Variants in CNOT6 observed in about 807,000 individuals in gnomAD.
CNOT6 encodes the protein CCR4-NOT transcription complex subunit 6.
CNOT6 carries 12 observed loss-of-function variants against 61.2 expected under a neutral mutation model. The ratio of observed to expected loss-of-function variants is 0.20; its 90% confidence interval spans 0.13 to 0.32. CNOT6 has a LOEUF of 0.32. Ranked by LOEUF, CNOT6 falls within the 10% of genes least tolerant of loss-of-function variation. The pLI is 1.00. For synonymous variants in CNOT6, 225 were observed against 240.6 expected, an observed-to-expected ratio of 0.94 and a Z score of 0.60; for missense variants, 405 against 663.9, an observed-to-expected ratio of 0.61 and a Z score of 4.28.
chr5:180,505,566 G>C (rs866727375), intron 1 of CNOT6, among the ~76,000 whole-genome samples: 1 of 36,678 alleles, frequency 2.7e-5, no homozygotes, highest in Non-Finnish European at 6.0e-5. Context: ...TTTTTTTTTT[G>C]AGACGGAGTC....
intron 1 of CNOT6, among the ~76,000 whole-genome samples, chr5:180,500,436 CT>C (rs146396285): frequency 0.4 from 24,651 of 62,072 alleles, 2,162 homozygotes; most frequent in South Asian, 0.48. Context: ...TTTTTCTTTT[CT>C]TTTCTTTTTT....
At chr5:180,534,250 G>A (rs1758555616) in intron 2 of CNOT6, 1 of 159,460 alleles carries the variant, frequency 6.3e-6, no homozygotes, top group Non-Finnish European at 1.4e-5. Context: ...GCTACCGAAA[G>A]GGGAAGGTTG....
At position 180,553,483 on chromosome 5, in the gene CNOT6, A is replaced by G; in HGVS notation, c.385+12A>G. Reference sequence around the variant, plus strand: ...TTTAGGCCTGAAAGGTATGACTTCCATATTTGTACTTCTTATGGTTTGTGT... The same window carrying G: ...TTTAGGCCTGAAAGGTATGACTTCCGTATTTGTACTTCTTATGGTTTGTGT... On this transcript the variant is annotated intron_variant, in intron 4 of 11. Transcript: ENST00000261951. The G allele has an allele frequency of 6.3e-7, 1 of 1,591,348 alleles. No individual in the cohort carries two copies. The highest frequency in any genetic ancestry group is 8.6e-7 in the Non-Finnish European group (1 of 1,159,978).
At chr5:180,558,794 C>T (rs1760030189) in intron 4 of CNOT6, among the ~76,000 whole-genome samples, 1 of 151,890 alleles carries the variant, frequency 6.6e-6, no homozygotes, top group Non-Finnish European at 1.5e-5. Flanking sequence ...TTTTCACTAG[C>T]TCAGTATATT....
At chr5:180,561,050 A>G (rs1760155381) in intron 4 of CNOT6, among the ~76,000 whole-genome samples, 1 of 152,154 alleles carries the variant, frequency 6.6e-6, no homozygotes, top group Non-Finnish European at 1.5e-5. Flanking sequence ...TCCCAGGCTC[A>G]AGCAGCTCTC....
At chr5:180,497,942 C>T (rs1385655068) in intron 1 of CNOT6, among the ~76,000 whole-genome samples, 1 of 151,546 alleles carries the variant, frequency 6.6e-6, no homozygotes, top group African/African-American at 2.4e-5. Context: ...ACTCGGGAGA[C>T]TGAGGCAGGA....
At chr5:180,535,846 T>C (rs1758659181) in intron 2 of CNOT6, among the ~76,000 whole-genome samples, 1 of 152,212 alleles carries the variant, frequency 6.6e-6, no homozygotes, top group East Asian at 1.9e-4. Context: ...TAGTAGCCTT[T>C]CTGAGTGGTG....
chr5:180,505,498 C>T (rs1321022015), intron 1 of CNOT6, among the ~76,000 whole-genome samples: 5 of 150,254 alleles, frequency 3.3e-5, no homozygotes, highest in South Asian at 2.1e-4. Context: ...CCTCGTGATC[C>T]GCCCACCTCG....
intron 1 of CNOT6, among the ~76,000 whole-genome samples, chr5:180,521,003 C>T (rs1358812807): frequency 6.6e-6 from 1 of 151,918 alleles, no homozygotes; most frequent in Non-Finnish European, 1.5e-5. Context: ...CGCCACCACA[C>T]CCAGATAATT....
At chr5:180,504,558 T>A (rs1208454058) in intron 1 of CNOT6, among the ~76,000 whole-genome samples, 1 of 152,184 alleles carries the variant, frequency 6.6e-6, no homozygotes, top group African/African-American at 2.4e-5. Context: ...ACTGCAAAGA[T>A]TCATGTTGGC....
chr5:180,520,365 C>T (rs867906656), intron 1 of CNOT6, among the ~76,000 whole-genome samples: 16 of 152,128 alleles, frequency 1.1e-4, no homozygotes, highest in African/African-American at 2.2e-4. Context: ...GGGCCTGGGC[C>T]GGGCGCGGTG....
intron 4 of CNOT6, among the ~76,000 whole-genome samples, chr5:180,561,453 T>A (rs1053220603): frequency 4.6e-5 from 7 of 151,840 alleles, no homozygotes; most frequent in Non-Finnish European, 1.0e-4. Flanking sequence ...TTTGTCTTGG[T>A]TGGGTAATTC....
Position 180,549,981 on chromosome 5 carries a change from G to T in CNOT6, c.163G>T (p.Ala55Ser), listed in dbSNP as rs747373651. 8 of 1,614,000 alleles carry T rather than the reference G, an allele frequency of 5.0e-6. No individual in the cohort carries two copies. The East Asian group carries it at 1.6e-4, about 31-fold the overall frequency. Residue 55 changes from alanine to serine, a missense_variant, in exon 3 of 12, where the codon GCT becomes TCT. Ala to Ser is a moderately conservative substitution (Grantham distance 99). This residue lies in a region of CNOT6 where 212 missense variants were observed against 307.1 expected (regional missense o/e 0.69). Transcript: ENST00000261951. ...ASLWSLTHLT[A>S]LHLSDNSLSR... is the part of the protein sequence containing the mutation. ...TTTGTGGTCACTAACTCACCTGACA[G>T]CTTTGCATTTGAGTGACAATTCCCT...
intron 11 of CNOT6, 85 bp from the exon 12 acceptor site, chr5:180,573,903 C>T: frequency 1.1e-6 from 1 of 914,086 alleles, no homozygotes; most frequent in Non-Finnish European, 1.8e-6. Context: ...GTTCACCAAA[C>T]ATGACATAAA....
chr5:180,533,341 T>C (rs201745547), intron 2 of CNOT6, among the ~76,000 whole-genome samples: 25,462 of 141,372 alleles, frequency 0.18, 2,696 homozygotes, highest in Non-Finnish European at 0.2. Context: ...TATATATATA[T>C]ATCACCGTAA....
At chr5:180,527,406 G>C (rs9329113) in intron 1 of CNOT6, among the ~76,000 whole-genome samples, 11 of 152,038 alleles carry the variant, frequency 7.2e-5, no homozygotes, top group Admixed American at 6.6e-4. Flanking sequence ...CTGGATGTCT[G>C]TATTCTTGTA....
At chr5:180,546,361 A>G (rs1019698215) in intron 2 of CNOT6, among the ~76,000 whole-genome samples, 4 of 152,154 alleles carry the variant, frequency 2.6e-5, no homozygotes, top group Admixed American at 2.0e-4. Context: ...TTTTGAAATA[A>G]TAGAGCTTTT....
intron 8 of CNOT6, 33 bp from the exon 9 acceptor site, chr5:180,567,816 T>C: frequency 1.1e-6 from 1 of 936,522 alleles, no homozygotes; most frequent in South Asian, 2.4e-5. Flanking sequence ...TTCCCAACTC[T>C]GTGTGTGTGT....
intron 4 of CNOT6, among the ~76,000 whole-genome samples, chr5:180,554,276 G>A (rs1157426635): frequency 2.6e-5 from 4 of 152,150 alleles, no homozygotes; most frequent in Non-Finnish European, 4.4e-5. Flanking sequence ...AAGTCAGCTT[G>A]GCATGGTGGT....
Sources: gnomAD v4.1 joint callset for allele counts (sites outside exome capture counted in the v4.1 genomes callset) on GRCh38, gnomAD v4.1.1 for gene constraint, gnomAD v4.1.1 regional missense constraint, MANE v1.5 for transcripts, NCBI Gene and HGNC (gene_info 2026-07-23, HGNC 2026-07-21) for gene names.